Variants in TBCD observed in about 807,000 individuals in gnomAD.
The protein encoded by TBCD is tubulin folding cofactor D, also known as tubulin-specific chaperone D.
In TBCD, 105 loss-of-function variants were observed where a neutral mutation model predicts 169.3. That is an observed-to-expected ratio of 0.62 (90% CI 0.53 to 0.73). The LOEUF is 0.73. Ranked by LOEUF, TBCD falls within the 30% of genes least tolerant of loss-of-function variation. The pLI is 0.00. For synonymous variants in TBCD, 700 were observed against 643.9 expected, an observed-to-expected ratio of 1.09 and a Z score of -1.32; for missense variants, 1,444 against 1,600.1, an observed-to-expected ratio of 0.90 and a Z score of 1.66.
At chr17:82,914,091 C>G (rs560335328) in intron 23 of TBCD, 1 of 152,458 alleles carries the variant, frequency 6.6e-6, no homozygotes, top group Non-Finnish European at 1.5e-5. Context: ...ACCCACCACA[C>G]CCACTGCTCC....
intron 23 of TBCD, among the ~76,000 whole-genome samples, chr17:82,914,306 G>A (rs1291372601): frequency 6.6e-6 from 1 of 152,188 alleles, no homozygotes; most frequent in Admixed American, 6.5e-5. Flanking sequence ...GTTTCTGTCT[G>A]CCTCTCTCTA....
In TBCD at chr17:82,903,505, G is replaced by A. The variant is rs374548928; in HGVS notation, c.1804+27G>A. On this transcript the variant is annotated intron_variant, in intron 19 of 38. Transcript: ENST00000355528. The surrounding 1 kb of genome is among the most constrained non-coding windows in gnomAD (Gnocchi z 4.8). The stretch of plus-strand genomic sequence containing the variant: ...TGGGTGTGTGTCCCGGCCGGCCTGC[G>A]GGCACCATGCATGCACTGCAGAAAG... The A allele has an allele frequency of 8.3e-5, 130 of 1,570,766 alleles. No individual in the cohort carries two copies. The highest frequency in any genetic ancestry group is 3.3e-4 in the Middle Eastern group (2 of 6,016).
Position 82,920,462 on chromosome 17 carries a change from C to T in TBCD, c.2039-94C>T, listed in dbSNP as rs1223947597. On this transcript the variant is annotated intron_variant, in intron 23 of 38. Transcript: ENST00000355528. The surrounding 1 kb of genome is among the most constrained non-coding windows in gnomAD (Gnocchi z 4.1). ...GGGCGGGTGAGGGGCAGGAGCTGGCCGCACACAACTCAGAATGTGGCAAAG... is the reference window on the plus strand; with the variant it reads ...GGGCGGGTGAGGGGCAGGAGCTGGCTGCACACAACTCAGAATGTGGCAAAG... The T allele has an allele frequency of 7.3e-6, 8 of 1,095,204 alleles. No individual in the cohort carries two copies. Among genetic ancestry groups the T allele is most frequent in the South Asian group, 1.4e-5 (1 of 70,500 alleles). 67.8% of individuals were successfully genotyped at this position (1,095,204 alleles called of 1,614,324 possible). A position where few individuals can be genotyped will look rare whatever the true frequency, so the allele number is the denominator to read the frequency against.
At chr17:82,830,007 GTT>G in intron 13 of TBCD, 2 of 1,390,982 alleles carry the variant, frequency 1.4e-6, no homozygotes, top group Non-Finnish European at 2.0e-6. Flanking sequence ...TTGTTTGTTT[GTT>G]TGTTTGTTTT....
At chr17:82,753,247 G>A (rs1300789565) in intron 1 of TBCD, among the ~76,000 whole-genome samples, 1 of 152,070 alleles carries the variant, frequency 6.6e-6, no homozygotes, top group African/African-American at 2.4e-5. Context: ...AGGAGTGCGG[G>A]TTCGGCGTCA....
intron 13 of TBCD, chr17:82,830,855 G>A (rs769118425): frequency 1.2e-6 from 2 of 1,612,912 alleles, no homozygotes; most frequent in Non-Finnish European, 1.7e-6. Context: ...GGAGCAGGAG[G>A]GTCTCCGTTC....
intron 23 of TBCD, among the ~76,000 whole-genome samples, chr17:82,912,501 C>T (rs928523640): frequency 2.6e-5 from 4 of 152,072 alleles, no homozygotes; most frequent in African/African-American, 7.3e-5. Context: ...CTGGATTCCC[C>T]GACACAGCTC....
chr17:82,902,942 G>A (rs962807150), intron 18 of TBCD, among the ~76,000 whole-genome samples: 1 of 152,160 alleles, frequency 6.6e-6, no homozygotes, highest in Non-Finnish European at 1.5e-5. Context: ...TCAGCCTTTC[G>A]CGGTCCGCAT....
At chr17:82,938,393 G>C (rs1018915942) in intron 36 of TBCD, among the ~76,000 whole-genome samples, 2 of 152,186 alleles carry the variant, frequency 1.3e-5, no homozygotes, top group African/African-American at 4.8e-5. Flanking sequence ...GTGGGATCTG[G>C]CTCAGGAGCT....
chr17:82,831,668 C>T lies in TBCD; in HGVS notation c.1318+16734C>T. On this transcript the variant is annotated intron_variant, in intron 13 of 38. Transcript: ENST00000355528. This position sits in a 1 kb window ranked among gnomAD's most constrained non-coding sequence, Gnocchi z 4.6. ...GGTGCGTCACACTCAGGCGAGCTCC[C>T]AGCCAGCAGGTAAGGCGAGTAGATG... 2.5e-6 allele frequency: 4 copies of T among 1,614,170 alleles called. No individual in the cohort carries two copies. The highest frequency in any genetic ancestry group is 4.5e-5 in the East Asian group (2 of 44,882).
chr17:82,891,553 G>GA (rs2146408433), intron 16 of TBCD, among the ~76,000 whole-genome samples: 1 of 152,360 alleles, frequency 6.6e-6, no homozygotes, highest in Admixed American at 6.5e-5. Context: ...AAACATTTGA[G>GA]AAGAAGGTCG....
At chr17:82,899,276 G>T (rs542037912) in intron 17 of TBCD, among the ~76,000 whole-genome samples, 1 of 147,798 alleles carries the variant, frequency 6.8e-6, no homozygotes, top group Non-Finnish European at 1.5e-5. Context: ...TGTCCTCAGC[G>T]CGTGTGTCCT....
At chr17:82,867,890 G>C (rs2057290720) in intron 13 of TBCD, among the ~76,000 whole-genome samples, 1 of 152,204 alleles carries the variant, frequency 6.6e-6, no homozygotes, top group Non-Finnish European at 1.5e-5. Flanking sequence ...TGATGGTGCT[G>C]CCGGCTCTGA....
At chr17:82,830,841 G>T (rs372531501) in intron 13 of TBCD, 2 of 1,613,088 alleles carry the variant, frequency 1.2e-6, no homozygotes, top group Non-Finnish European at 1.7e-6. Context: ...AGGCGCTTCC[G>T]GTCGGAGCAG....
At chr17:82,869,844 C>T (rs1252639827) in intron 13 of TBCD, among the ~76,000 whole-genome samples, 1 of 152,000 alleles carries the variant, frequency 6.6e-6, no homozygotes, top group Non-Finnish European at 1.5e-5. Flanking sequence ...ACCAGGGGCG[C>T]CTCTCCCTCC....
intron 34 of TBCD, among the ~76,000 whole-genome samples, chr17:82,936,333 G>A (rs1167843384): frequency 6.6e-6 from 1 of 152,176 alleles, no homozygotes; most frequent in African/African-American, 2.4e-5. Flanking sequence ...TTTGTCTCGC[G>A]TGTTTCCACG....
chr17:82,887,523 A>G (rs1203496887), intron 15 of TBCD, among the ~76,000 whole-genome samples: 1 of 152,014 alleles, frequency 6.6e-6, no homozygotes, highest in Non-Finnish European at 1.5e-5. Context: ...GGTTTGTGTG[A>G]CCATTCATGT....
At chr17:82,791,726 A>G (rs1382532842) in intron 7 of TBCD, among the ~76,000 whole-genome samples, 1 of 152,264 alleles carries the variant, frequency 6.6e-6, no homozygotes, top group Admixed American at 6.5e-5. Flanking sequence ...ACATTTTAAA[A>G]TGCTGAGTGA....
intron 37 of TBCD, among the ~76,000 whole-genome samples, chr17:82,940,469 G>T (rs1302457373): frequency 6.6e-6 from 1 of 152,220 alleles, no homozygotes; most frequent in Non-Finnish European, 1.5e-5. Context: ...ATCCAGCAAG[G>T]ACGTAGGTGA....
Sources: allele counts gnomAD v4.1 joint callset (sites outside exome capture counted in the v4.1 genomes callset), GRCh38; gene constraint gnomAD v4.1.1; non-coding constraint Gnocchi (gnomAD v3.1); transcripts MANE v1.5; gene names NCBI Gene and HGNC (gene_info 2026-07-23, HGNC 2026-07-21).